The following OR9Q1 variants were observed in gnomAD, a reference collection of about 807,000 sequenced individuals.
OR9Q1 encodes olfactory receptor family 9 subfamily Q member 1.
For synonymous variants in OR9Q1, 153 were observed against 148.6 expected, an observed-to-expected ratio of 1.03 and a Z score of -0.22; for missense variants, 374 against 378.8, an observed-to-expected ratio of 0.99 and a Z score of 0.11.
chr11:58,066,063 C>T (rs191511967), intron 2 of OR9Q1, among the ~76,000 whole-genome samples: 1 of 152,274 alleles, frequency 6.6e-6, no homozygotes, highest in Non-Finnish European at 1.5e-5. Context: ...CTGGAGTCCC[C>T]AGCTGCCTAC....
chr11:58,083,200 AG>A (rs889149625), intron 2 of OR9Q1, among the ~76,000 whole-genome samples: 1 of 152,108 alleles, frequency 6.6e-6, no homozygotes, highest in Non-Finnish European at 1.5e-5. Flanking sequence ...GGTGTAAGGA[AG>A]GGATCCAGTT....
chr11:58,061,703 G>A (rs1487248420), intron 2 of OR9Q1, among the ~76,000 whole-genome samples: 1 of 152,208 alleles, frequency 6.6e-6, no homozygotes, highest in African/African-American at 2.4e-5. Context: ...GAAAACCAGA[G>A]TCGGCAACAG....
intron 1 of OR9Q1, among the ~76,000 whole-genome samples, chr11:58,048,697 T>A (rs1173671420): frequency 6.9e-6 from 1 of 145,500 alleles, no homozygotes; most frequent in African/African-American, 2.5e-5. Context: ...TATATATATT[T>A]TTTAGCAAGA....
intron 2 of OR9Q1, chr11:58,117,560 TC>T (rs1459894898): frequency 6.6e-6 from 1 of 152,224 alleles, no homozygotes; most frequent in Non-Finnish European, 1.5e-5. Flanking sequence ...GGTTTTACAG[TC>T]TGGTACAGGA....
chr11:58,158,566 C>T (rs1854429668), intron 2 of OR9Q1, among the ~76,000 whole-genome samples: 1 of 151,992 alleles, frequency 6.6e-6, no homozygotes, highest in African/African-American at 2.4e-5. Context: ...CAATCCTTAC[C>T]ATAAGTCTCT....
chr11:58,031,892 T>C (rs775805107), intron 1 of OR9Q1: 2 of 1,610,640 alleles, frequency 1.2e-6, no homozygotes, highest in East Asian at 2.2e-5. Flanking sequence ...TCTCAACTTT[T>C]GGAAGGGACA....
At chr11:58,142,984 G>A (rs1445915776) in intron 2 of OR9Q1, among the ~76,000 whole-genome samples, 2 of 152,136 alleles carry the variant, frequency 1.3e-5, no homozygotes, top group South Asian at 2.1e-4. Context: ...CAGGCAACAG[G>A]CTATAGAGGT....
intron 2 of OR9Q1, among the ~76,000 whole-genome samples, chr11:58,088,853 A>G (rs926260018): frequency 2.0e-5 from 3 of 151,228 alleles, no homozygotes; most frequent in African/African-American, 4.9e-5. Context: ...CAATTTGTCA[A>G]TTTTGGCTTT....
chr11:58,134,288 G>A (rs1194211305), intron 2 of OR9Q1, among the ~76,000 whole-genome samples: 1 of 152,192 alleles, frequency 6.6e-6, no homozygotes, highest in Non-Finnish European at 1.5e-5. Flanking sequence ...CATCAGAACA[G>A]CTGTGCTAAG....
chr11:58,174,330 G>A (rs534377319), intron 2 of OR9Q1, among the ~76,000 whole-genome samples: 1 of 152,080 alleles, frequency 6.6e-6, no homozygotes, highest in African/African-American at 2.4e-5. Flanking sequence ...TGTGAATCAA[G>A]CTGCAGCTTG....
chr11:58,160,754 C>G lies in OR9Q1; in HGVS notation c.-14-18677C>G, dbSNP rs139635861. Among the ~76,000 whole-genome samples, 87 of 152,280 alleles carry G rather than the reference C, an allele frequency of 5.7e-4. 2 individuals are homozygous for G. In the East Asian group the frequency reaches 0.016, roughly 28 times the overall value. The stretch of plus-strand genomic sequence containing the variant: ...TATGTGAAGTTTGAGATAGCTTTCC[C>G]TAGCACTCTCTGCTTTATCCACACT... On this transcript the variant is annotated intron_variant, in intron 2 of 2. Transcript: ENST00000335397.
chr11:58,079,765 A>G (rs1383800121), intron 2 of OR9Q1, among the ~76,000 whole-genome samples: 1 of 152,188 alleles, frequency 6.6e-6, no homozygotes, highest in Non-Finnish European at 1.5e-5. Flanking sequence ...TGAAGTCATT[A>G]TTGACCATTC....
intron 2 of OR9Q1, among the ~76,000 whole-genome samples, chr11:58,087,285 T>A (rs768485725): frequency 5.3e-5 from 8 of 151,720 alleles, no homozygotes; most frequent in Admixed American, 5.2e-4. Flanking sequence ...CTGAAACCTC[T>A]CTTGTGCACC....
intron 2 of OR9Q1, among the ~76,000 whole-genome samples, chr11:58,074,980 C>T (rs890369574): frequency 2.0e-5 from 3 of 152,060 alleles, no homozygotes; most frequent in Admixed American, 6.6e-5. Context: ...TGTTTTGGTA[C>T]CAGTACCATG....
rs148728866 is a variant in OR9Q1, at chr11:58,054,779, C to T, written c.-92-1091C>T. On this transcript the variant is annotated intron_variant, in intron 1 of 2. Transcript: ENST00000335397. ...TCTCTACTAAAAATACAAAAATTCGCCAGGCATGGTGGTGCGTGCCTGAAG... is the reference window on the plus strand; with the variant it reads ...TCTCTACTAAAAATACAAAAATTCGTCAGGCATGGTGGTGCGTGCCTGAAG... Among the ~76,000 whole-genome samples, 648 of 152,196 alleles carry T rather than the reference C, an allele frequency of 4.3e-3. 4 individuals are homozygous for T. The highest frequency in any genetic ancestry group is 0.02 in the Middle Eastern group (6 of 294).
At chr11:58,055,163 C>G (rs919078250) in intron 1 of OR9Q1, among the ~76,000 whole-genome samples, 3 of 150,892 alleles carry the variant, frequency 2.0e-5, no homozygotes, top group African/African-American at 7.3e-5. Context: ...ACCTTCTCAT[C>G]TGTAAAAAGG....
At chr11:58,124,993 A>G (rs1328750963) in intron 2 of OR9Q1, among the ~76,000 whole-genome samples, 2 of 152,206 alleles carry the variant, frequency 1.3e-5, no homozygotes, top group African/African-American at 4.8e-5. Flanking sequence ...TCACATGACT[A>G]GTCAATGAAA....
intron 1 of OR9Q1, among the ~76,000 whole-genome samples, chr11:58,029,175 C>T (rs11606464): frequency 0.22 from 32,797 of 152,152 alleles, 4,091 homozygotes; most frequent in Middle Eastern, 0.38. Context: ...CTGGTGTCAG[C>T]TTGGCCAGCT....
Position 58,174,068 on chromosome 11 carries a change from T to C in OR9Q1, c.-14-5363T>C, listed in dbSNP as rs1854580581. Among the ~76,000 whole-genome samples, 6 of 152,286 alleles carry C rather than the reference T, an allele frequency of 3.9e-5. No individual in the cohort carries two copies. The South Asian group carries it at 1.2e-3, about 32-fold the overall frequency. ...GAGTATTTATGGACAATAGGAATAT[T>C]GGATCATTGTTCATAAAATAAACTT... On this transcript the variant is annotated intron_variant, in intron 2 of 2. Transcript: ENST00000335397.
Sources: allele counts gnomAD v4.1 joint callset (sites outside exome capture counted in the v4.1 genomes callset), GRCh38; gene constraint gnomAD v4.1.1; transcripts MANE v1.5; gene names NCBI Gene and HGNC (gene_info 2026-07-23, HGNC 2026-07-21).